Variants in ST3GAL2 observed in about 807,000 individuals in gnomAD.
The protein encoded by ST3GAL2 is CMP-N-acetylneuraminate-beta-galactosamide-alpha-2,3-sialyltransferase 2.
A neutral mutation model predicts 37.5 loss-of-function variants in ST3GAL2; 16 were observed. The observed-to-expected ratio is 0.43, with a 90% CI of 0.29 to 0.65. The LOEUF (loss-of-function observed/expected upper bound fraction) is 0.65. Among genes scored for constraint, ST3GAL2 ranks in the 30% least tolerant of loss-of-function variants. The probability of loss-of-function intolerance (pLI) is 0.17; values close to 1 mark genes in which losing one functional copy is unlikely to be tolerated. For synonymous variants in ST3GAL2, 238 were observed against 202.9 expected, an observed-to-expected ratio of 1.17 and a Z score of -1.47; for missense variants, 383 against 487.8, an observed-to-expected ratio of 0.79 and a Z score of 2.02.
chr16:70,414,773 A>G (rs1370321867), intron 1 of ST3GAL2, among the ~76,000 whole-genome samples: 1 of 152,050 alleles, frequency 6.6e-6, no homozygotes, highest in Non-Finnish European at 1.5e-5. Context: ...CCTGGGTTCA[A>G]GTGATACTCC....
At chr16:70,410,162 T>G (rs1390152292) in intron 1 of ST3GAL2, among the ~76,000 whole-genome samples, 1 of 146,548 alleles carries the variant, frequency 6.8e-6, no homozygotes, top group Non-Finnish European at 1.5e-5. Context: ...TACTATCTTA[T>G]TCAGTATTTT....
chr16:70,390,822 C>G (rs575080766), intron 3 of ST3GAL2, among the ~76,000 whole-genome samples: 1 of 152,294 alleles, frequency 6.6e-6, no homozygotes, highest in Non-Finnish European at 1.5e-5. Flanking sequence ...ATGCATCTTA[C>G]GTAACAGGTG....
At chr16:70,395,577 G>C (rs914160347) in intron 2 of ST3GAL2, among the ~76,000 whole-genome samples, 1 of 152,206 alleles carries the variant, frequency 6.6e-6, no homozygotes, top group Non-Finnish European at 1.5e-5. Context: ...CTCAGGCTGA[G>C]GACTGGGGTT....
intron 1 of ST3GAL2, among the ~76,000 whole-genome samples, chr16:70,411,792 C>T (rs181694901): frequency 1.3e-5 from 2 of 151,984 alleles, no homozygotes; most frequent in Non-Finnish European, 2.9e-5. Context: ...GTTGGGAGTT[C>T]GAGAGCAGCC....
rs1032082638 is a variant in ST3GAL2, at chr16:70,398,989, G to A, written c.-459C>T. ...GAGGCGGCCCCTCGTTCCCGGCAGCGGGGAAGCCCTAGAACTCCAATCACA... is the reference window on the plus strand; with the variant it reads ...GAGGCGGCCCCTCGTTCCCGGCAGCAGGGAAGCCCTAGAACTCCAATCACA... On this transcript the variant is annotated 5_prime_UTR_variant, in exon 2 of 7. Coordinates refer to ENST00000342907, the MANE Select transcript of ST3GAL2 (RefSeq NM_006927.4). The A allele has an allele frequency of 3.6e-5, 15 of 417,160 alleles. No homozygotes were observed. The highest frequency in any genetic ancestry group is 1.0e-4 in the African/African-American group (5 of 49,090). 25.8% of individuals were successfully genotyped at this position (417,160 alleles called of 1,614,324 possible). A position where few individuals can be genotyped will look rare whatever the true frequency, so the allele number is the denominator to read the frequency against.
rs975540908 is a variant in ST3GAL2 at position 70,398,235 on chromosome 16, C to A, written c.296G>T (p.Arg99Leu). 3.1e-6 allele frequency: 5 copies of A among 1,613,408 alleles called. No homozygotes were observed. Among genetic ancestry groups the A allele is most frequent in the Non-Finnish European group, 4.2e-6 (5 of 1,180,036 alleles). Residue 99 changes from arginine (R) to leucine (L), a missense_variant, in exon 2 of 7, where the codon CGA (arginine) becomes CTA (leucine). By Grantham distance (102) the Arg-to-Leu change is moderately radical (BLOSUM62 -2). Around this residue, in one of 2 missense-constraint regions of ST3GAL2, gnomAD observed 223 missense variants for 239.1 expected, o/e 0.93. Coordinates refer to ENST00000342907, the MANE Select transcript of ST3GAL2 (RefSeq NM_006927.4). ...GTCCGGTGGAAGATCCATGTTCTCTCGGGTCCAGACGGGGGAAATGTTACC... is the reference window on the plus strand; with the variant it reads ...GTCCGGTGGAAGATCCATGTTCTCTAGGGTCCAGACGGGGGAAATGTTACC... ...FDGNISPVWTRENMDLPPDVQ... is the reference protein window; with the variant it reads ...FDGNISPVWTLENMDLPPDVQ...
rs1222464050 is a variant in ST3GAL2 at position 70,379,253 on chromosome 16, A to C, written c.*2436T>G. On this transcript the variant is annotated 3_prime_UTR_variant, in exon 7 of 7. Transcript: ENST00000342907. ...CTGCTACCAGGAATCCTCTCCAATG[A>C]ACTCCTCTCCTGGAGGAAACTCAAG... 6.6e-6 allele frequency: 1 copy of C among 152,174 alleles called. No homozygotes were observed. The highest frequency in any genetic ancestry group is 1.5e-5 in the Non-Finnish European group (1 of 68,058). 9.4% of individuals were successfully genotyped at this position (152,174 alleles called of 1,614,324 possible).
chr16:70,381,396 G>C lies in ST3GAL2; in HGVS notation c.*293C>G, dbSNP rs774079288. ...AAACCCTAACCCAAAGCATGAGGGA[G>C]TGGGGATTGAGCGGCCGCTGGCCCG... On this transcript the variant is annotated 3_prime_UTR_variant, in exon 7 of 7. Transcript: ENST00000342907. 2 of 406,946 alleles carry C rather than the reference G, an allele frequency of 4.9e-6. No homozygotes were observed. Among genetic ancestry groups the C allele is most frequent in the East Asian group, 9.2e-5 (2 of 21,624 alleles). 25.2% of individuals were successfully genotyped at this position (406,946 alleles called of 1,614,324 possible).
At position 70,388,399 on chromosome 16, in the gene ST3GAL2, G is replaced by C; in HGVS notation, c.681C>G (p.Ile227Met). 6.2e-7 allele frequency: 1 copy of C among 1,614,168 alleles called. No homozygotes were observed. The highest frequency in any genetic ancestry group is 1.3e-5 in the African/African-American group (1 of 75,034). The stretch of plus-strand genomic sequence containing the variant: ...TCTGCCCCGTGGACAAGGCGCTGGC[G>C]ATCCACAGAAGGTCCAGGACCTTGA... ...VPFKVLDLLW[I>M]ASALSTGQIR... The change falls in exon 4 of 7, where the codon ATC (isoleucine) becomes ATG (methionine). Residue 227 changes from isoleucine (I) to methionine (M), a missense_variant. By Grantham distance (10) the Ile-to-Met change is conservative. Coordinates refer to ENST00000342907, the MANE Select transcript of ST3GAL2 (RefSeq NM_006927.4).
chr16:70,404,310 T>C (rs905198356), intron 1 of ST3GAL2, among the ~76,000 whole-genome samples: 3 of 151,992 alleles, frequency 2.0e-5, no homozygotes, highest in Admixed American at 6.6e-5. Context: ...GTTTCGAGAA[T>C]GAAGGAGGAA....
chr16:70,429,518 G>A (rs546043027), intron 1 of ST3GAL2, among the ~76,000 whole-genome samples: 11 of 149,180 alleles, frequency 7.4e-5, no homozygotes, highest in South Asian at 2.1e-4. Flanking sequence ...GAACCCGGGA[G>A]GCGGAGCTTG....
At chr16:70,382,644 G>C (rs948719510) in intron 6 of ST3GAL2, among the ~76,000 whole-genome samples, 161 bp downstream of exon 6, 1 of 152,186 alleles carries the variant, frequency 6.6e-6, no homozygotes, top group Admixed American at 6.5e-5. Flanking sequence ...AAACGTTTGG[G>C]AAAGGCATAT....
At chr16:70,420,013 C>CT (rs143145918) in intron 1 of ST3GAL2, among the ~76,000 whole-genome samples, 3 of 146,848 alleles carry the variant, frequency 2.0e-5, no homozygotes, top group Non-Finnish European at 4.4e-5. Flanking sequence ...ACCATTTGAC[C>CT]CCCCCCTTCC....
chr16:70,388,364 C>T lies in ST3GAL2; in HGVS notation c.713+3G>A, dbSNP rs2047457073. 6.2e-7 allele frequency: 1 copy of T among 1,613,990 alleles called. No homozygotes were observed. The highest frequency in any genetic ancestry group is 8.5e-7 in the Non-Finnish European group (1 of 1,180,006). ...ATTCTACCCAGGCCAGCAAGAAGCT[C>T]ACAATCGGATCTGCCCCGTGGACAA... On this transcript the variant is annotated splice_donor_region_variant and intron_variant, in intron 4 of 6. Coordinates refer to ENST00000342907, the MANE Select transcript of ST3GAL2 (RefSeq NM_006927.4).
intron 1 of ST3GAL2, among the ~76,000 whole-genome samples, chr16:70,413,507 G>A (rs1021633073): frequency 4.8e-5 from 7 of 145,898 alleles, no homozygotes; most frequent in African/African-American, 1.8e-4. Context: ...CCTGAGGTCA[G>A]GAGTTCGAGA....
intron 1 of ST3GAL2, among the ~76,000 whole-genome samples, chr16:70,434,446 A>C (rs1289540180): frequency 1.3e-5 from 2 of 152,144 alleles, no homozygotes; most frequent in South Asian, 2.1e-4. Context: ...AAAAACAAAA[A>C]AAAAAAAATT....
At chr16:70,424,409 C>A (rs1354719005) in intron 1 of ST3GAL2, among the ~76,000 whole-genome samples, 1 of 150,782 alleles carries the variant, frequency 6.6e-6, no homozygotes, top group Non-Finnish European at 1.5e-5. Context: ...CGAGACCAGC[C>A]TGACCAACAT....
Position 70,381,671 on chromosome 16 carries a change from G to A in ST3GAL2, c.*18C>T. On this transcript the variant is annotated 3_prime_UTR_variant, in exon 7 of 7. Coordinates refer to ENST00000342907, the MANE Select transcript of ST3GAL2 (RefSeq NM_006927.4). ...GGTGCCCGATAGATGGGCCGGAAGG[G>A]TCGCGGCGAGGCCCGGCTCAGTTGC... 1 of 1,610,810 alleles carries A rather than the reference G, an allele frequency of 6.2e-7. No homozygotes were observed. Among genetic ancestry groups the A allele is most frequent in the Non-Finnish European group, 8.5e-7 (1 of 1,178,608 alleles).
chr16:70,424,447 C>A (rs993992974), intron 1 of ST3GAL2, among the ~76,000 whole-genome samples: 3 of 150,928 alleles, frequency 2.0e-5, no homozygotes, highest in Non-Finnish European at 3.0e-5. Context: ...ACTAAAAATA[C>A]AAAATTAGCC....
Sources: gnomAD v4.1 joint callset for allele counts (sites outside exome capture counted in the v4.1 genomes callset) on GRCh38, gnomAD v4.1.1 for gene constraint, gnomAD v4.1.1 regional missense constraint, MANE v1.5 for transcripts, NCBI Gene and HGNC (gene_info 2026-07-23, HGNC 2026-07-21) for gene names.